SMYD3: variants seen among roughly 807,000 people sequenced by gnomAD.
SMYD3 encodes SET and MYND domain containing 3, also known as histone-lysine N-methyltransferase SMYD3.
A neutral mutation model predicts 57.7 loss-of-function variants in SMYD3; 36 were observed. The ratio of observed to expected loss-of-function variants is 0.62; its 90% CI spans 0.48 to 0.82. The LOEUF is 0.82. Among genes scored for constraint, SMYD3 ranks in the 40% least tolerant of loss-of-function variants. The pLI is 0.00. For synonymous variants in SMYD3, 211 were observed against 195.0 expected (o/e 1.08, Z -0.68); for missense variants, 515 against 538.8 (o/e 0.96, Z 0.44).
chr1:246,205,936 A>G (rs917337285), intron 5 of SMYD3, among the ~76,000 whole-genome samples: 1 of 152,134 alleles, frequency 6.6e-6, no homozygotes, highest in South Asian at 2.1e-4. Context: ...GGGGATCACA[A>G]TATTAAAGCC....
At chr1:246,144,745 C>G (rs2061816165) in intron 5 of SMYD3, among the ~76,000 whole-genome samples, 1 of 152,102 alleles carries the variant, frequency 6.6e-6, no homozygotes, top group African/African-American at 2.4e-5. Context: ...TAACTAATAA[C>G]CTTCATAAAC....
rs2056609466 is a variant in SMYD3 at position 245,929,869 on chromosome 1, C to A, written c.599+1G>T. The A allele has an allele frequency of 6.2e-7, 1 of 1,610,866 alleles. No individual in the cohort carries two copies. Among genetic ancestry groups the A allele is most frequent in the Admixed American group, 1.7e-5 (1 of 59,974 alleles). On this transcript the variant is annotated splice_donor_variant, in intron 6 of 11. Transcript: ENST00000490107. LOFTEE classifies it high-confidence loss of function. ...AGTACATGAAGTACCATACACCATA[C>A]CTGGGATATAGGCCAACACCAACTT... is the stretch of plus-strand genomic sequence containing the variant.
chr1:246,235,119 G>T (rs1437160234), intron 5 of SMYD3, among the ~76,000 whole-genome samples: 1 of 152,130 alleles, frequency 6.6e-6, no homozygotes, highest in East Asian at 1.9e-4. Flanking sequence ...AAAACTAAAA[G>T]TCAAACATTT....
chr1:246,010,821 G>A (rs1046215744), intron 5 of SMYD3, among the ~76,000 whole-genome samples: 1 of 152,200 alleles, frequency 6.6e-6, no homozygotes, highest in Non-Finnish European at 1.5e-5. Context: ...TAGATAGTAT[G>A]TGCTGAATAT....
At chr1:245,782,326 C>A (rs1235503983) in intron 10 of SMYD3, among the ~76,000 whole-genome samples, 1 of 152,092 alleles carries the variant, frequency 6.6e-6, no homozygotes, top group Non-Finnish European at 1.5e-5. Context: ...AGCACAAACA[C>A]ATAGCCATAA....
At chr1:245,977,582 G>A (rs2058480997) in intron 5 of SMYD3, among the ~76,000 whole-genome samples, 1 of 152,194 alleles carries the variant, frequency 6.6e-6, no homozygotes, top group Non-Finnish European at 1.5e-5. Flanking sequence ...TGGAGGCTGA[G>A]GCAGGAGAAT....
chr1:246,019,996 T>C (rs1172015349), intron 5 of SMYD3, among the ~76,000 whole-genome samples: 1 of 152,220 alleles, frequency 6.6e-6, no homozygotes, highest in Non-Finnish European at 1.5e-5. Flanking sequence ...GGTTATAGAC[T>C]TGTTACTTGC....
chr1:246,495,193 C>G (rs1477443556), intron 1 of SMYD3, among the ~76,000 whole-genome samples: 1 of 151,582 alleles, frequency 6.6e-6, no homozygotes, highest in African/African-American at 2.4e-5. Context: ...ACTAAAAATA[C>G]AAAAAATTAG....
chr1:246,323,469 CAGA>C (rs1330626055), intron 5 of SMYD3, among the ~76,000 whole-genome samples: 1 of 152,156 alleles, frequency 6.6e-6, no homozygotes, highest in African/African-American at 2.4e-5. Flanking sequence ...ATTTTTCCGC[CAGA>C]AACTCCAGTG....
intron 5 of SMYD3, among the ~76,000 whole-genome samples, chr1:246,205,653 C>T (rs2062987940): frequency 6.6e-6 from 1 of 151,750 alleles, no homozygotes; most frequent in African/African-American, 2.4e-5. Flanking sequence ...AACCCCGTCT[C>T]TACTAAAAAT....
At chr1:246,384,544 C>T (rs57109695) in intron 1 of SMYD3, among the ~76,000 whole-genome samples, 6,005 of 151,914 alleles carry the variant, frequency 0.04, 165 homozygotes, top group East Asian at 0.1. Flanking sequence ...TACAGGTGCC[C>T]GCCACCACGC....
intron 1 of SMYD3, among the ~76,000 whole-genome samples, chr1:246,481,353 A>C (rs2068097100): frequency 6.6e-6 from 1 of 151,694 alleles, no homozygotes. Flanking sequence ...TGAGGAAAGC[A>C]GATTGCCCTT....
intron 5 of SMYD3, among the ~76,000 whole-genome samples, chr1:246,246,568 C>T (rs185024979): frequency 5.9e-4 from 89 of 152,044 alleles, no homozygotes; most frequent in Middle Eastern, 3.4e-3. Flanking sequence ...GCATTTGTTA[C>T]GGTCAAGGAA....
At chr1:246,268,765 A>C (rs551020444) in intron 5 of SMYD3, among the ~76,000 whole-genome samples, 4 of 152,278 alleles carry the variant, frequency 2.6e-5, no homozygotes, top group Admixed American at 2.6e-4. Context: ...GGCAACCAGC[A>C]GCCCCTAGGG....
intron 1 of SMYD3, among the ~76,000 whole-genome samples, chr1:246,501,727 T>C (rs2068457438): frequency 6.6e-6 from 1 of 152,182 alleles, no homozygotes; most frequent in South Asian, 2.1e-4. Flanking sequence ...CCAGTTCTCA[T>C]AGCCAAGCAG....
intron 5 of SMYD3, among the ~76,000 whole-genome samples, chr1:246,220,583 C>T (rs1479367307): frequency 6.6e-5 from 10 of 152,160 alleles, no homozygotes; most frequent in African/African-American, 2.2e-4. Context: ...CCCACTCCGA[C>T]CTGGGAGCAA....
At chr1:246,327,086 G>T in intron 5 of SMYD3, 115 bp downstream of exon 5, 1 of 1,186,030 alleles carries the variant, frequency 8.4e-7, no homozygotes, top group Non-Finnish European at 1.2e-6. Context: ...AGTAATATAA[G>T]GCATTAAGGG....
intron 1 of SMYD3, among the ~76,000 whole-genome samples, chr1:246,452,121 A>G (rs2067641777): frequency 6.6e-6 from 1 of 152,238 alleles, no homozygotes; most frequent in Non-Finnish European, 1.5e-5. Context: ...CTTTTCTAAA[A>G]TATAGAAAAA....
At chr1:245,851,838 T>A (rs1358698458) in intron 10 of SMYD3, among the ~76,000 whole-genome samples, 1 of 152,172 alleles carries the variant, frequency 6.6e-6, no homozygotes, top group Non-Finnish European at 1.5e-5. Context: ...GGTTGAGTAG[T>A]GGCCTCTACT....
Sources: gnomAD v4.1 joint callset for allele counts (sites outside exome capture counted in the v4.1 genomes callset) on GRCh38, gnomAD v4.1.1 for gene constraint, MANE v1.5 for transcripts, NCBI Gene and HGNC (gene_info 2026-07-23, HGNC 2026-07-21) for gene names.